ZNF445: variants seen among roughly 807,000 people sequenced by gnomAD.
ZNF445 encodes the protein zinc finger protein 168.
A neutral mutation model predicts 93.9 loss-of-function variants in ZNF445; 19 were observed. That is an observed-to-expected ratio of 0.20 (90% confidence interval 0.14 to 0.30). The LOEUF is 0.30. Ranked by LOEUF, ZNF445 falls within the 10% of genes least tolerant of loss-of-function variation. ZNF445 has a pLI of 1.00. For missense variants in ZNF445, 1,058 were observed against 1,259.4 expected, an observed-to-expected ratio of 0.84 and a Z score of 2.42; for synonymous variants, 449 against 446.3, an observed-to-expected ratio of 1.01 and a Z score of -0.08.
At position 44,433,161 on chromosome 3, in the gene ZNF445, T is replaced by A. The variant is rs1394953868; in HGVS notation, c.*13414A>T. 1 of 151,692 alleles carries A rather than the reference T, an allele frequency of 6.6e-6. No individual in the cohort carries two copies. The highest frequency in any genetic ancestry group is 1.5e-5 in the Non-Finnish European group (1 of 68,006). 9.4% of individuals were successfully genotyped at this position (151,692 alleles called of 1,614,324 possible). A position where few individuals can be genotyped will look rare whatever the true frequency, so the allele number is the denominator to read the frequency against. The stretch of plus-strand genomic sequence containing the variant: ...TTTTTTCCCGCTCTGTTGTCCAGGC[T>A]GGAGTGCAGTGGCACTATCTCGGCT... On this transcript the variant is annotated 3_prime_UTR_variant, in exon 8 of 8. Transcript: ENST00000396077.
rs57442094 is a variant in ZNF445, at chr3:44,457,269, A to ATT, written c.-148+973_-148+974dup. 2.9e-3 allele frequency among the ~76,000 whole-genome samples: 428 copies of ATT among 149,616 alleles called. 4 individuals are homozygous for ATT. The highest frequency in any genetic ancestry group is 0.01 in the African/African-American group (413 of 40,792). On this transcript the variant is annotated intron_variant, in intron 2 of 7. Coordinates refer to ENST00000396077, the MANE Select transcript of ZNF445 (RefSeq NM_181489.6). ...TCCACACCTGTGATACACCCAACTG[A>ATT]TTTTTTTTTTCTTTTTTTTAAAGAC...
Position 44,450,467 on chromosome 3 carries a change from T to C in ZNF445, c.800A>G (p.Tyr267Cys). Residue 267 changes from tyrosine to cysteine, a missense_variant, in exon 6 of 8, where the codon TAT becomes TGT. By Grantham distance (194) the Tyr-to-Cys change is radical. Coordinates refer to ENST00000396077, the MANE Select transcript of ZNF445 (RefSeq NM_181489.6). Reference sequence around the variant, plus strand: ...CTTACCCAGGGAAGCCATGTTCCTATAATTCTCCAGCATCACATCCCTGTA... The same window carrying C: ...CTTACCCAGGGAAGCCATGTTCCTACAATTCTCCAGCATCACATCCCTGTA... ...NLYRDVMLEN[Y>C]RNMASLVGPF... 6 of 1,614,208 alleles carry C rather than the reference T, an allele frequency of 3.7e-6. No homozygotes were observed. Among genetic ancestry groups the C allele is most frequent in the South Asian group, 1.1e-5 (1 of 91,080 alleles).
In ZNF445 at chr3:44,442,123, T is replaced by C. The variant is rs763562555; in HGVS notation, c.*4452A>G. On this transcript the variant is annotated 3_prime_UTR_variant, in exon 8 of 8. Coordinates refer to ENST00000396077, the MANE Select transcript of ZNF445 (RefSeq NM_181489.6). ...AGTATGCTTAACTTTACACTAAGGG[T>C]ACCTTGTATGTAGCTTCACCAACTT... 6.6e-6 allele frequency: 1 copy of C among 152,150 alleles called. No individual in the cohort carries two copies. The highest frequency in any genetic ancestry group is 1.5e-5 in the Non-Finnish European group (1 of 68,040). 9.4% of individuals were successfully genotyped at this position (152,150 alleles called of 1,614,324 possible). A position where few individuals can be genotyped will look rare whatever the true frequency, so the allele number is the denominator to read the frequency against.
chr3:44,452,916 C>CTTTT (rs60163197), intron 3 of ZNF445, among the ~76,000 whole-genome samples: 1 of 134,330 alleles, frequency 7.4e-6, no homozygotes, highest in Admixed American at 7.6e-5. Context: ...TTTCAGAAAT[C>CTTTT]TTTTTTTTTT....
At chr3:44,466,074 C>T (rs1698190243) in intron 1 of ZNF445, among the ~76,000 whole-genome samples, 1 of 152,058 alleles carries the variant, frequency 6.6e-6, no homozygotes, top group Non-Finnish European at 1.5e-5. Flanking sequence ...GGGTAAATGG[C>T]AGGGAAAAAA....
At chr3:44,451,628 G>A (rs1697959340) in intron 3 of ZNF445, 146 bp from the exon 4 acceptor site, 1 of 893,978 alleles carries the variant, frequency 1.1e-6, no homozygotes, top group Non-Finnish European at 1.7e-6. Flanking sequence ...GGAGGAAAGG[G>A]CAAGAAGAAC....
intron 1 of ZNF445, among the ~76,000 whole-genome samples, chr3:44,462,297 C>G (rs571379858): frequency 3.3e-5 from 5 of 152,294 alleles, no homozygotes; most frequent in African/African-American, 9.6e-5. Flanking sequence ...AGAGCTTAAC[C>G]TTGTGACAAT....
In ZNF445 at chr3:44,446,692, G is replaced by A; in HGVS notation, c.2979C>T (p.Leu993=). 1.2e-6 allele frequency: 2 copies of A among 1,614,222 alleles called. No individual in the cohort carries two copies. Among genetic ancestry groups the A allele is most frequent in the Non-Finnish European group, 1.7e-6 (2 of 1,180,052 alleles). ...GAGTATGAAATCTCTTGTGGCTAAT[G>A]AGTTGTGAACTCTTGTTAAAAGTTT... ...CGKTFNKSSQ[L]ISHKRFHTRE... is the part of the protein sequence containing the mutation. Residue 993 remains leucine (L), a synonymous_variant, in exon 8 of 8, where the codon CTC becomes CTT. Transcript: ENST00000396077. The surrounding 1 kb of genome is among the most constrained non-coding windows in gnomAD (Gnocchi z 4.2).
At position 44,447,241 on chromosome 3, in the gene ZNF445, C is replaced by T; in HGVS notation, c.2430G>A (p.Arg810=). The T allele has an allele frequency of 6.2e-7, 1 of 1,614,156 alleles. No homozygotes were observed. The highest frequency in any genetic ancestry group is 2.2e-5 in the East Asian group (1 of 44,874). The part of the protein sequence containing the change: ...RWSSNLYRHQ[R]IHSLQKQYDC... ...CATACTGTTTTTGAAGAGAGTGAAT[C>T]CTCTGATGTCGGTAGAGATTGGAAC... Residue 810 remains arginine, a synonymous_variant, in exon 8 of 8, where the codon AGG becomes AGA. Coordinates refer to ENST00000396077, the MANE Select transcript of ZNF445 (RefSeq NM_181489.6). The surrounding 1 kb of genome is among the most constrained non-coding windows in gnomAD (Gnocchi z 4.7).
At position 44,439,798 on chromosome 3, in the gene ZNF445, T is replaced by G. The variant is rs1194487777; in HGVS notation, c.*6777A>C. ...GTTATGAAAAAGTTTACTACTCACA[T>G]GAGGCCTTCTAGGGAAAGCAAAGCG... On this transcript the variant is annotated 3_prime_UTR_variant, in exon 8 of 8. Coordinates refer to ENST00000396077, the MANE Select transcript of ZNF445 (RefSeq NM_181489.6). 1 of 152,172 alleles carries G rather than the reference T, an allele frequency of 6.6e-6. No individual in the cohort carries two copies. Among genetic ancestry groups the G allele is most frequent in the African/African-American group, 2.4e-5 (1 of 41,438 alleles). 9.4% of individuals were successfully genotyped at this position (152,172 alleles called of 1,614,324 possible).
intron 1 of ZNF445, 145 bp from the exon 2 acceptor site, chr3:44,458,509 T>C (rs1022143303): frequency 2.6e-5 from 4 of 152,224 alleles, no homozygotes; most frequent in Non-Finnish European, 5.9e-5. Context: ...ATAGCCCTTA[T>C]TTCCCAAGTG....
In ZNF445 at chr3:44,451,460, G is replaced by T. The variant is rs567196081; in HGVS notation, c.452C>A (p.Pro151Gln). The change falls in exon 4 of 8, where the codon CCA (proline) becomes CAA (glutamine). Residue 151 changes from proline (P) to glutamine (Q), a missense_variant. By Grantham distance (76) the Pro-to-Gln change is moderately conservative (BLOSUM62 -1). Transcript: ENST00000396077. ...SWRDPGPAQSPDVHWMGTGAL... is the reference protein window; with the variant it reads ...SWRDPGPAQSQDVHWMGTGAL... ...TCCTGTACCCATCCAATGCACATCT[G>T]GGCTCTGGGCAGGGCCCGGGTCCTG... The T allele has an allele frequency of 2.5e-6, 4 of 1,609,924 alleles. No homozygotes were observed. The East Asian group carries it at 8.9e-5, about 36-fold the overall frequency.
At position 44,447,405 on chromosome 3, in the gene ZNF445, G is replaced by A; in HGVS notation, c.2266C>T (p.His756Tyr). Reference sequence around the variant, plus strand: ...CATTTGTAGGGCTCCTCTTTGGAGTGACTGCTCTGAGGAACCTGGAACACT... The same window carrying A: ...CATTTGTAGGGCTCCTCTTTGGAGTAACTGCTCTGAGGAACCTGGAACACT... ...DTVFQVPQSS[H>Y]SKEEPYKCSQ... Residue 756 changes from histidine (H) to tyrosine (Y), a missense_variant, in exon 8 of 8, where the codon CAC (histidine) becomes TAC (tyrosine). Coordinates refer to ENST00000396077, the MANE Select transcript of ZNF445 (RefSeq NM_181489.6). This position sits in a 1 kb window ranked among gnomAD's most constrained non-coding sequence, Gnocchi z 4.7. 1 of 1,614,186 alleles carries A rather than the reference G, an allele frequency of 6.2e-7. No individual in the cohort carries two copies. The highest frequency in any genetic ancestry group is 8.5e-7 in the Non-Finnish European group (1 of 1,180,030).
chr3:44,475,113 G>A (rs1465948978), intron 1 of ZNF445, among the ~76,000 whole-genome samples: 1 of 151,630 alleles, frequency 6.6e-6, no homozygotes, highest in African/African-American at 2.4e-5. Context: ...TCAAAAAAAA[G>A]GTTTGTCTTA....
chr3:44,457,016 C>A (rs1055783142), intron 2 of ZNF445, among the ~76,000 whole-genome samples: 2 of 152,170 alleles, frequency 1.3e-5, no homozygotes, highest in Non-Finnish European at 2.9e-5. Context: ...ATAATCCCAG[C>A]TACTCGGGAG....
At position 44,449,513 on chromosome 3, in the gene ZNF445, C is replaced by T; in HGVS notation, c.931G>A (p.Gly311Arg). The T allele has an allele frequency of 6.2e-7, 1 of 1,613,740 alleles. No individual in the cohort carries two copies. The highest frequency in any genetic ancestry group is 8.5e-7 in the Non-Finnish European group (1 of 1,179,636). ...ACCTGGCAGGTTCTCTGGAACTCAC[C>T]TGTAGGAGCAGCAACTGGATTCCCC... Reference protein sequence around the residue: ...PKGNPVAAPTGDDLQSKTNKF... With the variant: ...PKGNPVAAPTRDDLQSKTNKF... The change falls in exon 7 of 8, where the codon GGA (glycine) becomes AGA (arginine). Residue 311 changes from glycine (G) to arginine (R), a missense_variant and splice_region_variant. Gly to Arg is a moderately radical substitution (Grantham distance 125). Around this residue, in one of 3 missense-constraint regions of ZNF445, gnomAD observed 657 missense variants for 746.4 expected, o/e 0.88. Transcript: ENST00000396077.
intron 2 of ZNF445, among the ~76,000 whole-genome samples, chr3:44,456,474 G>A (rs1279735164): frequency 5.3e-5 from 8 of 152,010 alleles, no homozygotes; most frequent in Non-Finnish European, 2.9e-5. Flanking sequence ...TGACAAGGAA[G>A]AATAAATTGG....
intron 3 of ZNF445, among the ~76,000 whole-genome samples, chr3:44,452,520 G>A (rs1697970712): frequency 1.3e-5 from 2 of 152,116 alleles, no homozygotes; most frequent in Admixed American, 1.3e-4. Flanking sequence ...AATTTGAGGG[G>A]CTTCTCCCAG....
chr3:44,465,951 A>T (rs1575316385), intron 1 of ZNF445, among the ~76,000 whole-genome samples: 1 of 152,196 alleles, frequency 6.6e-6, no homozygotes, highest in East Asian at 1.9e-4. Context: ...AAACAAACAA[A>T]CTAGCTTTAA....
Sources: gnomAD v4.1 joint callset for allele counts (sites outside exome capture counted in the v4.1 genomes callset) on GRCh38, gnomAD v4.1.1 for gene constraint, gnomAD v4.1.1 regional missense constraint, Gnocchi (gnomAD v3.1) non-coding constraint, MANE v1.5 for transcripts, NCBI Gene and HGNC (gene_info 2026-07-23, HGNC 2026-07-21) for gene names.